The following LPA variants were observed in gnomAD, a reference collection of about 807,000 sequenced individuals.
The protein encoded by LPA is apolipoprotein(a).
Under a neutral mutation model 197.9 loss-of-function variants are expected in LPA, and 199 were observed. The observed-to-expected ratio is 1.01, with a 90% CI of 0.90 to 1.13. The LOEUF (loss-of-function observed/expected upper bound fraction) is 1.13. LPA is among the 50% of genes most tolerant of loss of function. The pLI is 0.00. For synonymous variants in LPA, 715 were observed against 639.5 expected (o/e 1.12, Z -1.78); for missense variants, 1,853 against 1,785.8 (o/e 1.04, Z -0.68).
chr6:160,568,865 A>G (rs187372043), intron 28 of LPA, among the ~76,000 whole-genome samples: 2 of 152,220 alleles, frequency 1.3e-5, no homozygotes, highest in African/African-American at 2.4e-5. Flanking sequence ...AGGGACATGG[A>G]TGAACTCCCA....
intron 1 of LPA, among the ~76,000 whole-genome samples, chr6:160,654,043 A>T (rs7773719): frequency 0.046 from 325 of 7,140 alleles, 47 homozygotes; most frequent in African/African-American, 0.21. Context: ...TATTATATAT[A>T]ATATATAATA....
intron 28 of LPA, among the ~76,000 whole-genome samples, chr6:160,575,136 T>G (rs532518323): frequency 2.0e-5 from 3 of 152,320 alleles, no homozygotes; most frequent in African/African-American, 7.2e-5. Flanking sequence ...AAATCATACA[T>G]TTTTACTTTT....
chr6:160,557,321 C>T, intron 29 of LPA, 69 bp downstream of exon 29: 1 of 1,551,652 alleles, frequency 6.4e-7, no homozygotes, highest in Non-Finnish European at 8.9e-7. Context: ...GCTTCTGCAT[C>T]AGTCAGATTT....
chr6:160,541,326 T>C (rs1289028660), intron 34 of LPA, 145 bp from the exon 35 acceptor site: 23 of 704,212 alleles, frequency 3.3e-5, no homozygotes, highest in African/African-American at 8.8e-5. Flanking sequence ...GTCAGGATAG[T>C]AGAAACTTCG....
At chr6:160,587,771 G>C (rs1778940281) in intron 24 of LPA, among the ~76,000 whole-genome samples, 1 of 118,846 alleles carries the variant, frequency 8.4e-6, no homozygotes, top group South Asian at 2.7e-4. Context: ...GTGTGTGTGT[G>C]TGTGTGTGTG....
intron 2 of LPA, among the ~76,000 whole-genome samples, chr6:160,647,702 C>G (rs1250553929): frequency 6.6e-6 from 1 of 152,188 alleles, no homozygotes; most frequent in African/African-American, 2.4e-5. Context: ...TACATACTAT[C>G]GTGCATGAGG....
At chr6:160,648,697 G>A (rs887561450) in intron 2 of LPA, among the ~76,000 whole-genome samples, 1 of 151,984 alleles carries the variant, frequency 6.6e-6, no homozygotes, top group Non-Finnish European at 1.5e-5. Flanking sequence ...CTAACTAGAT[G>A]GGGAGGCCAT....
chr6:160,599,990 T>C (rs1459395529), intron 19 of LPA, among the ~76,000 whole-genome samples: 1 of 152,166 alleles, frequency 6.6e-6, no homozygotes, highest in Non-Finnish European at 1.5e-5. Flanking sequence ...TGGAACAGCA[T>C]AGAAGAAAGG....
intron 30 of LPA, among the ~76,000 whole-genome samples, chr6:160,551,724 G>A (rs1349773333): frequency 6.6e-6 from 1 of 152,142 alleles, no homozygotes; most frequent in African/African-American, 2.4e-5. Flanking sequence ...AAAAGCAAAA[G>A]TCAAGTTCTG....
chr6:160,577,891 C>A (rs1583591930), intron 27 of LPA, among the ~76,000 whole-genome samples: 1 of 152,136 alleles, frequency 6.6e-6, no homozygotes. Flanking sequence ...GAATTCTCTT[C>A]CTCTTCTTCT....
At position 160,590,957 on chromosome 6, in the gene LPA, A is replaced by T; in HGVS notation, c.3774T>A (p.Ala1258=). The T allele has an allele frequency of 6.2e-7, 1 of 1,613,972 alleles. No individual in the cohort carries two copies. The part of the protein sequence containing the change: ...TESSVLATST[A]VSEQAPTEQS... ...GAGACTTCTTACCTTGTTCAGAAAC[A>T]GCCGTGGACGTCGCAAGGACACTTG... Residue 1258 remains alanine, a synonymous_variant, in exon 23 of 39, where the codon GCT becomes GCA. Coordinates refer to ENST00000316300, the MANE Select transcript of LPA (RefSeq NM_005577.4).
At chr6:160,586,859 G>C (rs1362868025) in intron 24 of LPA, among the ~76,000 whole-genome samples, 1 of 152,164 alleles carries the variant, frequency 6.6e-6, no homozygotes, top group African/African-American at 2.4e-5. Flanking sequence ...TGCTTTATAA[G>C]AAAACTGAGA....
chr6:160,660,281 C>T (rs150010154), intron 1 of LPA, among the ~76,000 whole-genome samples: 6 of 152,220 alleles, frequency 3.9e-5, no homozygotes, highest in South Asian at 2.1e-4. Context: ...GCACAGTGAG[C>T]GACTGCTGGG....
intron 28 of LPA, among the ~76,000 whole-genome samples, chr6:160,562,496 T>C (rs1778379535): frequency 6.6e-6 from 1 of 152,162 alleles, no homozygotes. Context: ...ATTTTCACAT[T>C]GATGTTCATC....
chr6:160,588,388 CA>C (rs1778957616), intron 24 of LPA, among the ~76,000 whole-genome samples: 1 of 152,030 alleles, frequency 6.6e-6, no homozygotes, highest in African/African-American at 2.4e-5. Flanking sequence ...ATCCCAATCC[CA>C]AAATACAGCT....
chr6:160,564,545 C>T lies in LPA; in HGVS notation c.4632-6974G>A, dbSNP rs369298883. Among the ~76,000 whole-genome samples, 6 of 151,970 alleles carry T rather than the reference C, an allele frequency of 3.9e-5. No homozygotes were observed. The South Asian group carries it at 6.2e-4, about 16-fold the overall frequency. On this transcript the variant is annotated intron_variant, in intron 28 of 38. Coordinates refer to ENST00000316300, the MANE Select transcript of LPA (RefSeq NM_005577.4). Reference sequence around the variant, plus strand: ...GAGAGAGGGGAGGTTTCAAGATGGCCGAATAGGAACAGCTCCAGTCCACAG... The same window carrying T: ...GAGAGAGGGGAGGTTTCAAGATGGCTGAATAGGAACAGCTCCAGTCCACAG...
In LPA at chr6:160,553,935, C is replaced by CTG. The variant is rs1294838247; in HGVS notation, c.4973+2089_4973+2090insCA. Among the ~76,000 whole-genome samples, 2 of 70,866 alleles carry CTG rather than the reference C, an allele frequency of 2.8e-5. 1 individual carries two copies. Among genetic ancestry groups the CTG allele is most frequent in the African/African-American group, 7.8e-5 (2 of 25,680 alleles). The allele number at this position is 70,866 out of a possible 152,430, so 46.5% of individuals were successfully genotyped here. A position where few individuals can be genotyped will look rare whatever the true frequency, so the allele number is the denominator to read the frequency against. On this transcript the variant is annotated intron_variant, in intron 30 of 38. Coordinates refer to ENST00000316300, the MANE Select transcript of LPA (RefSeq NM_005577.4). ...TCTCTCTCTTTCTCTCTCTCTCTCT[C>CTG]TCTGTGTGTGTGTGTGTGTGCGCGC...
chr6:160,647,064 G>T (rs561368748), intron 2 of LPA, among the ~76,000 whole-genome samples: 5 of 152,288 alleles, frequency 3.3e-5, no homozygotes, highest in African/African-American at 9.6e-5. Context: ...TGGAAAACTT[G>T]CTCCCAGGCA....
chr6:160,596,403 T>TTTTTTTTTTTTTTTTTTTTA (rs1779133535), intron 20 of LPA, among the ~76,000 whole-genome samples: 1 of 152,146 alleles, frequency 6.6e-6, no homozygotes, highest in African/African-American at 2.4e-5. Context: ...CTTTTTTTTT[T>TTTTTTTTTTTTTTTTTTTTA]TTTCTTGTGT....
Sources: gnomAD v4.1 joint callset for allele counts (sites outside exome capture counted in the v4.1 genomes callset) on GRCh38, gnomAD v4.1.1 for gene constraint, MANE v1.5 for transcripts, NCBI Gene and HGNC (gene_info 2026-07-23, HGNC 2026-07-21) for gene names.